The following BTBD9 variants were observed in gnomAD, a reference collection of about 807,000 sequenced individuals.
The protein encoded by BTBD9 is BTB/POZ domain-containing protein 9.
A neutral mutation model predicts 64.3 loss-of-function variants in BTBD9; 49 were observed. That is an observed-to-expected ratio of 0.76 (90% CI 0.61 to 0.97). BTBD9 has a LOEUF of 0.97. Ranked by LOEUF, BTBD9 falls within the 50% of genes least tolerant of loss-of-function variation. The pLI is 0.00. For synonymous variants in BTBD9, 260 were observed against 274.7 expected (o/e 0.95, Z 0.53); for missense variants, 598 against 762.1 (o/e 0.78, Z 2.53).
chr6:38,484,015 C>G (rs1346937833), intron 6 of BTBD9, among the ~76,000 whole-genome samples: 5 of 152,218 alleles, frequency 3.3e-5, no homozygotes, highest in Non-Finnish European at 7.3e-5. Context: ...ACAACTTAAT[C>G]TCGTTTACTG....
At chr6:38,503,274 A>G (rs1772297115) in intron 6 of BTBD9, among the ~76,000 whole-genome samples, 1 of 152,076 alleles carries the variant, frequency 6.6e-6, no homozygotes, top group African/African-American at 2.4e-5. Flanking sequence ...GAGGAGGGGC[A>G]GCCTCTAGCC....
chr6:38,524,081 G>A (rs1016229091), intron 6 of BTBD9, among the ~76,000 whole-genome samples: 2 of 152,150 alleles, frequency 1.3e-5, no homozygotes, highest in African/African-American at 2.4e-5. Flanking sequence ...ACAGCAGAGG[G>A]TGAACTTTTA....
At chr6:38,227,945 G>T (rs1763455315) in intron 9 of BTBD9, among the ~76,000 whole-genome samples, 1 of 152,222 alleles carries the variant, frequency 6.6e-6, no homozygotes, top group Non-Finnish European at 1.5e-5. Context: ...ATCAGTGGTT[G>T]CCAGAGGTTG....
intron 9 of BTBD9, among the ~76,000 whole-genome samples, chr6:38,234,799 T>A (rs546266884): frequency 6.6e-6 from 1 of 152,364 alleles, no homozygotes; most frequent in South Asian, 2.1e-4. Context: ...CAGGGATTTT[T>A]ATTTTGCCTT....
At chr6:38,249,777 T>C (rs971348718) in intron 9 of BTBD9, among the ~76,000 whole-genome samples, 1 of 146,910 alleles carries the variant, frequency 6.8e-6, no homozygotes, top group Non-Finnish European at 1.5e-5. Context: ...AAAAAAAGTA[T>C]ATAAGACTCA....
intron 6 of BTBD9, among the ~76,000 whole-genome samples, chr6:38,545,987 G>C (rs979763666): frequency 6.6e-6 from 1 of 151,898 alleles, no homozygotes; most frequent in Non-Finnish European, 1.5e-5. Flanking sequence ...TAATCTAACA[G>C]AGAAGGTGAT....
At chr6:38,176,394 CTG>C (rs2127469938) in intron 10 of BTBD9, among the ~76,000 whole-genome samples, 1 of 152,332 alleles carries the variant, frequency 6.6e-6, no homozygotes, top group Non-Finnish European at 1.5e-5. Flanking sequence ...CATATGAAGA[CTG>C]AGACCGTGTC....
intron 7 of BTBD9, among the ~76,000 whole-genome samples, chr6:38,295,617 T>G (rs1162798061): frequency 6.6e-6 from 1 of 152,222 alleles, no homozygotes; most frequent in Non-Finnish European, 1.5e-5. Context: ...GAGATGAGGA[T>G]TTTCATCTTT....
intron 7 of BTBD9, among the ~76,000 whole-genome samples, chr6:38,318,763 T>G (rs114537396): frequency 0.045 from 6,847 of 152,218 alleles, 248 homozygotes; most frequent in African/African-American, 0.085. Flanking sequence ...CTGTAACCAC[T>G]ACCTAGCTAC....
At chr6:38,281,856 T>C (rs1761523803) in intron 8 of BTBD9, among the ~76,000 whole-genome samples, 1 of 152,212 alleles carries the variant, frequency 6.6e-6, no homozygotes, top group African/African-American at 2.4e-5. Context: ...ACTTACTCTA[T>C]TGCACATATC....
intron 6 of BTBD9, among the ~76,000 whole-genome samples, chr6:38,436,365 C>T (rs1206833946): frequency 1.4e-5 from 2 of 142,702 alleles, no homozygotes; most frequent in Admixed American, 7.4e-5. Flanking sequence ...ATATCTACCC[C>T]AATTCTATTT....
At chr6:38,509,193 G>A (rs988186380) in intron 6 of BTBD9, among the ~76,000 whole-genome samples, 2 of 152,206 alleles carry the variant, frequency 1.3e-5, no homozygotes, top group African/African-American at 2.4e-5. Flanking sequence ...GGGGAAGGGG[G>A]AAATGATTAT....
rs555971372 is a variant in BTBD9, at chr6:38,393,130, G to T, written c.1155-48037C>A. On this transcript the variant is annotated intron_variant, in intron 6 of 10. Coordinates refer to ENST00000481247, the MANE Select transcript of BTBD9 (RefSeq NM_001099272.2). ...ACCTCAGGTGATCCGTCCACCTCAGGTGATCCGTCCGCCTTAGCCTCCCAA... is the reference window on the plus strand; with the variant it reads ...ACCTCAGGTGATCCGTCCACCTCAGTTGATCCGTCCGCCTTAGCCTCCCAA... Among the ~76,000 whole-genome samples the T allele has an allele frequency of 3.3e-5, 5 of 152,214 alleles. No individual in the cohort carries two copies. In the South Asian group the frequency reaches 8.3e-4, roughly 25 times the overall value.
At chr6:38,533,160 T>A (rs1024950195) in intron 6 of BTBD9, among the ~76,000 whole-genome samples, 3 of 152,076 alleles carry the variant, frequency 2.0e-5, no homozygotes, top group African/African-American at 7.2e-5. Context: ...ATCTGTTGCC[T>A]ACAAGAGACA....
chr6:38,188,150 C>T (rs898450240), intron 10 of BTBD9, among the ~76,000 whole-genome samples: 2 of 152,344 alleles, frequency 1.3e-5, no homozygotes, highest in East Asian at 1.9e-4. Context: ...GCCTGCTGTC[C>T]GCCTTCTCCT....
At chr6:38,580,475 C>A in intron 4 of BTBD9, 38 bp from the exon 5 acceptor site, 1 of 1,509,452 alleles carries the variant, frequency 6.6e-7, no homozygotes, top group Non-Finnish European at 9.1e-7. Context: ...TTAATGATTA[C>A]TTATTTATTC....
intron 8 of BTBD9, among the ~76,000 whole-genome samples, chr6:38,261,878 C>T (rs1488121305): frequency 6.6e-6 from 1 of 152,180 alleles, no homozygotes; most frequent in Admixed American, 6.5e-5. Flanking sequence ...AGGGCTCAGA[C>T]TCAACCTACA....
intron 6 of BTBD9, among the ~76,000 whole-genome samples, chr6:38,408,240 C>A (rs1319680501): frequency 6.6e-6 from 1 of 152,102 alleles, no homozygotes; most frequent in African/African-American, 2.4e-5. Context: ...CACCTGCAGT[C>A]CCAGTTTCTT....
Position 38,303,951 on chromosome 6 carries a change from G to T in BTBD9, c.1265-15490C>A, listed in dbSNP as rs908644776. Among the ~76,000 whole-genome samples, 196 of 131,386 alleles carry T rather than the reference G, an allele frequency of 1.5e-3. 1 individual carries two copies. The highest frequency in any genetic ancestry group is 2.4e-3 in the African/African-American group (77 of 31,690). 86.2% of individuals were successfully genotyped at this position (131,386 alleles called of 152,430 possible). ...TATACACGTGTGTGTGTGTGTGTGT[G>T]TATATATATATATATGTGCTGGTGA... On this transcript the variant is annotated intron_variant, in intron 7 of 10. Coordinates refer to ENST00000481247, the MANE Select transcript of BTBD9 (RefSeq NM_001099272.2).
Sources: gnomAD v4.1 joint callset for allele counts (sites outside exome capture counted in the v4.1 genomes callset) on GRCh38, gnomAD v4.1.1 for gene constraint, MANE v1.5 for transcripts, NCBI Gene and HGNC (gene_info 2026-07-23, HGNC 2026-07-21) for gene names.